ZNF525: variants seen among roughly 807,000 people sequenced by gnomAD.
ZNF525 encodes zinc finger protein 525.
A neutral mutation model predicts 37.6 loss-of-function variants in ZNF525; 33 were observed. That is an observed-to-expected ratio of 0.88 (90% confidence interval 0.67 to 1.17). The LOEUF is 1.17. Among genes scored for constraint, ZNF525 ranks in the 50% most tolerant of loss-of-function variants. The pLI is 0.00. For missense variants in ZNF525, 449 were observed against 543.1 expected (o/e 0.83, Z 1.72); for synonymous variants, 170 against 182.3 (o/e 0.93, Z 0.54).
chr19:53,377,199 C>T lies in ZNF525; in HGVS notation c.142+1303C>T, dbSNP rs367956269. On this transcript the variant is annotated intron_variant, in intron 3 of 3. Coordinates refer to ENST00000474037, the MANE Select transcript of ZNF525 (RefSeq NM_001348156.2). Reference sequence around the variant, plus strand: ...CCTATTTATTTATTTATTAATGAGACGAAGTTTTGTTCTTGTCACCCATGC... The same window carrying T: ...CCTATTTATTTATTTATTAATGAGATGAAGTTTTGTTCTTGTCACCCATGC... 2.2e-4 allele frequency among the ~76,000 whole-genome samples: 33 copies of T among 152,228 alleles called. No individual in the cohort carries two copies. The East Asian group carries it at 3.5e-3, about 16-fold the overall frequency.
At chr19:53,365,903 C>T (rs2085439475) in intron 1 of ZNF525, 144 bp downstream of exon 1, 1 of 152,782 alleles carries the variant, frequency 6.5e-6, no homozygotes, top group South Asian at 2.0e-4. Context: ...CCGTGAGAGC[C>T]CGGGGGTCAC....
chr19:53,377,269 C>T (rs2085528884), intron 3 of ZNF525, among the ~76,000 whole-genome samples: 1 of 152,166 alleles, frequency 6.6e-6, no homozygotes. Flanking sequence ...CCTCCAACTC[C>T]TGGGTTCAAG....
At position 53,380,920 on chromosome 19, in the gene ZNF525, CA is replaced by C. The variant is rs1223711885; in HGVS notation, c.346del (p.Ile116SerfsTer4). Reference protein sequence around the residue: ...DERNGHEAPMTKIKKLMGSTE... With the variant: ...DERNGHEAPMXKIKKLMGSTE... ...AGAAATGGCCATGAAGCACCCATGA[CA>C]AAAATCAAAAAATTGATGGGTAGTA... On this transcript the variant is annotated frameshift_variant, in exon 4 of 4. Coordinates refer to ENST00000474037, the MANE Select transcript of ZNF525 (RefSeq NM_001348156.2). LOFTEE classifies it high-confidence loss of function. 1 of 1,522,682 alleles carries C rather than the reference CA, an allele frequency of 6.6e-7. No individual in the cohort carries two copies. Among genetic ancestry groups the C allele is most frequent in the East Asian group, 2.3e-5 (1 of 44,420 alleles). 94.3% of individuals were successfully genotyped at this position (1,522,682 alleles called of 1,614,324 possible).
intron 1 of ZNF525, among the ~76,000 whole-genome samples, chr19:53,368,215 G>T (rs2085461776): frequency 6.6e-6 from 1 of 152,124 alleles, no homozygotes; most frequent in Admixed American, 6.5e-5. Context: ...AGACCAGAGG[G>T]TGCTTGCCAG....
intron 2 of ZNF525, among the ~76,000 whole-genome samples, chr19:53,374,105 A>C (rs2085505691): frequency 6.6e-6 from 1 of 151,964 alleles, no homozygotes; most frequent in African/African-American, 2.4e-5. Context: ...CTGATCTTGA[A>C]CTTCTGACCT....
At chr19:53,380,365 T>C (rs1600025084) in intron 3 of ZNF525, among the ~76,000 whole-genome samples, 1 of 152,206 alleles carries the variant, frequency 6.6e-6, no homozygotes, top group East Asian at 1.9e-4. Flanking sequence ...TATTTACCAG[T>C]ATATTATATT....
chr19:53,369,505 GCATGA>G lies in ZNF525; in HGVS notation c.-67-2709_-67-2705del, dbSNP rs1300060516. Among the ~76,000 whole-genome samples, 3 of 147,634 alleles carry G rather than the reference GCATGA, an allele frequency of 2.0e-5. 1 individual carries two copies. The highest frequency in any genetic ancestry group is 2.0e-4 in the Admixed American group (3 of 14,834). ...ACCTCCTAAAGTACTGGGATTACAA[GCATGA>G]TCCATTGTTCCCGGCCACCCATGTA... On this transcript the variant is annotated intron_variant, in intron 1 of 3. Transcript: ENST00000474037.
intron 3 of ZNF525, chr19:53,376,408 C>G (rs2085522852): frequency 1.5e-6 from 1 of 646,356 alleles, no homozygotes; most frequent in East Asian, 2.8e-5. Context: ...GAAGACCTTA[C>G]CATTGCCTTT....
At chr19:53,379,348 C>T (rs1334325854) in intron 3 of ZNF525, 2 of 152,214 alleles carry the variant, frequency 1.3e-5, no homozygotes, top group African/African-American at 4.8e-5. Context: ...GAACTCCTGA[C>T]CTCATGGTCT....
chr19:53,372,359 T>C (rs2085493613), intron 2 of ZNF525, 63 bp downstream of exon 2: 6 of 751,094 alleles, frequency 8.0e-6, no homozygotes, highest in African/African-American at 3.4e-5. Flanking sequence ...GACCTTGGAG[T>C]TGGGAATCTT....
chr19:53,374,528 G>A (rs2085508647), intron 2 of ZNF525, among the ~76,000 whole-genome samples: 1 of 152,082 alleles, frequency 6.6e-6, no homozygotes, highest in South Asian at 2.1e-4. Context: ...TTCTAGGATG[G>A]GGCATTTCCT....
chr19:53,369,928 G>T (rs2085474740), intron 1 of ZNF525, among the ~76,000 whole-genome samples: 2 of 146,558 alleles, frequency 1.4e-5, no homozygotes, highest in Non-Finnish European at 3.0e-5. Context: ...GTTTCACCGT[G>T]TTAGCCAGGA....
At chr19:53,374,121 G>A (rs2085505814) in intron 2 of ZNF525, among the ~76,000 whole-genome samples, 1 of 152,030 alleles carries the variant, frequency 6.6e-6, no homozygotes, top group Non-Finnish European at 1.5e-5. Flanking sequence ...GACCTAAGAT[G>A]ATCCACACAC....
At chr19:53,372,451 T>A in intron 2 of ZNF525, 155 bp downstream of exon 2, 1 of 751,922 alleles carries the variant, frequency 1.3e-6, no homozygotes, top group Admixed American at 1.9e-5. Flanking sequence ...CACTTAGATT[T>A]TATCTCTTGT....
Position 53,386,028 on chromosome 19 carries a change from C to T in ZNF525, c.*4009C>T, listed in dbSNP as rs987777533. 1.4e-5 allele frequency: 4 copies of T among 282,978 alleles called. No homozygotes were observed. Among genetic ancestry groups the T allele is most frequent in the Admixed American group, 4.7e-5 (1 of 21,236 alleles). 17.5% of individuals were successfully genotyped at this position (282,978 alleles called of 1,614,324 possible). A position where few individuals can be genotyped will look rare whatever the true frequency, so the allele number is the denominator to read the frequency against. ...AAAATTAGCTCAGCATGGTGGCATG[C>T]GCCTGTAATCCCAGCTACTCAGGAG... is the stretch of plus-strand genomic sequence containing the variant. On this transcript the variant is annotated 3_prime_UTR_variant, in exon 4 of 4. Coordinates refer to ENST00000474037, the MANE Select transcript of ZNF525 (RefSeq NM_001348156.2).
chr19:53,367,370 G>A (rs139438593), intron 1 of ZNF525, among the ~76,000 whole-genome samples: 104 of 151,676 alleles, frequency 6.9e-4, no homozygotes, highest in Non-Finnish European at 1.3e-3. Context: ...TTATTATCAA[G>A]ATTTTAATAG....
At chr19:53,370,812 C>T (rs575666065) in intron 1 of ZNF525, among the ~76,000 whole-genome samples, 1 of 152,270 alleles carries the variant, frequency 6.6e-6, no homozygotes, top group African/African-American at 2.4e-5. Flanking sequence ...CACGTCAGTC[C>T]CTGGCAGGGA....
At chr19:53,368,654 T>C (rs2085464632) in intron 1 of ZNF525, among the ~76,000 whole-genome samples, 1 of 152,212 alleles carries the variant, frequency 6.6e-6, no homozygotes, top group Admixed American at 6.5e-5. Context: ...GAGGAGGCTC[T>C]GGTAACTTCT....
chr19:53,370,117 GC>G (rs1367530344), intron 1 of ZNF525, among the ~76,000 whole-genome samples: 1 of 150,848 alleles, frequency 6.6e-6, no homozygotes, highest in African/African-American at 2.4e-5. Flanking sequence ...GCTCTTCCAG[GC>G]CCCCATGTAA....
Sources: allele counts gnomAD v4.1 joint callset (sites outside exome capture counted in the v4.1 genomes callset), GRCh38; gene constraint gnomAD v4.1.1; transcripts MANE v1.5; gene names NCBI Gene and HGNC (gene_info 2026-07-23, HGNC 2026-07-21).